EML6: variants seen among roughly 807,000 people sequenced by gnomAD.
The protein encoded by EML6 is EMAP like 6.
Under a neutral mutation model 240.1 loss-of-function variants are expected in EML6, and 154 were observed. The ratio of observed to expected loss-of-function variants is 0.64; its 90% confidence interval spans 0.56 to 0.73. The LOEUF (loss-of-function observed/expected upper bound fraction) is 0.73. Among genes scored for constraint, EML6 ranks in the 30% least tolerant of loss-of-function variants. The probability of loss-of-function intolerance (pLI) is 0.00; values close to 1 mark genes in which losing one functional copy is unlikely to be tolerated. For synonymous variants in EML6, 1,148 were observed against 899.0 expected, an observed-to-expected ratio of 1.28 and a Z score of -4.95; for missense variants, 2,964 against 2,474.6, an observed-to-expected ratio of 1.20 and a Z score of -4.20.
At chr2:54,887,457 A>T (rs920017330) in intron 17 of EML6, among the ~76,000 whole-genome samples, 3 of 152,054 alleles carry the variant, frequency 2.0e-5, no homozygotes, top group African/African-American at 7.2e-5. Flanking sequence ...TTTTTTTCCC[A>T]GTTTGTCATT....
intron 16 of EML6, among the ~76,000 whole-genome samples, chr2:54,876,145 A>G (rs1671495723): frequency 6.6e-6 from 1 of 152,234 alleles, no homozygotes; most frequent in Admixed American, 6.5e-5. Context: ...ACATTACCTA[A>G]GAGACTAAAA....
chr2:54,916,324 C>A (rs1673906850), intron 25 of EML6, among the ~76,000 whole-genome samples: 1 of 152,188 alleles, frequency 6.6e-6, no homozygotes, highest in Non-Finnish European at 1.5e-5. Context: ...CAAGGGTATG[C>A]TACTGGCATC....
chr2:54,725,943 AGACT>A lies in EML6; in HGVS notation c.197+693_197+696del, dbSNP rs1471917188. Among the ~76,000 whole-genome samples the A allele has an allele frequency of 3.9e-5, 6 of 151,962 alleles. No homozygotes were observed. Among genetic ancestry groups the A allele is most frequent in the Non-Finnish European group, 8.8e-5 (6 of 67,942 alleles). ...CCAACATCTGCTAGCGGATGGCCCA[AGACT>A]GACTGACAGGAGAGCTCATTTGGAT... On this transcript the variant is annotated intron_variant, in intron 2 of 41. Transcript: ENST00000356458. This position sits in a 1 kb window ranked among gnomAD's most constrained non-coding sequence, Gnocchi z 4.3.
rs977998463 is a variant in EML6, at chr2:54,724,054, C to T, written c.-514+277C>T. On this transcript the variant is annotated intron_variant, in intron 1 of 41. Coordinates refer to ENST00000356458, the MANE Select transcript of EML6 (RefSeq NM_001039753.4). The surrounding 1 kb of genome is among the most constrained non-coding windows in gnomAD (Gnocchi z 5.2). The stretch of plus-strand genomic sequence containing the variant: ...GCAGAGGTTTCTGGGGAGAAGTACA[C>T]GATTTTTGCCACTTGTTATTTGATT... Among the ~76,000 whole-genome samples, 2 of 152,210 alleles carry T rather than the reference C, an allele frequency of 1.3e-5. No homozygotes were observed. The highest frequency in any genetic ancestry group is 2.4e-5 in the African/African-American group (1 of 41,458).
At chr2:54,853,981 A>C in intron 11 of EML6, 126 bp downstream of exon 11, 1 of 515,644 alleles carries the variant, frequency 1.9e-6, no homozygotes, top group Non-Finnish European at 3.2e-6. Context: ...ATTCTTATTT[A>C]CTTTTCAACA....
chr2:54,806,305 T>C (rs1446141948), intron 2 of EML6, among the ~76,000 whole-genome samples: 1 of 152,070 alleles, frequency 6.6e-6, no homozygotes, highest in African/African-American at 2.4e-5. Flanking sequence ...GTACATGAGT[T>C]GCTCGGACTT....
chr2:54,731,239 T>C (rs1683152930), intron 2 of EML6, among the ~76,000 whole-genome samples: 1 of 152,242 alleles, frequency 6.6e-6, no homozygotes, highest in Non-Finnish European at 1.5e-5. Flanking sequence ...AGGTCATTAA[T>C]GCCTCATGGG....
intron 33 of EML6, 136 bp downstream of exon 33, chr2:54,958,134 C>T: frequency 1.4e-6 from 1 of 698,036 alleles, no homozygotes; most frequent in Non-Finnish European, 2.4e-6. Context: ...CCTGTACTGG[C>T]TTATCTGCAA....
intron 21 of EML6, among the ~76,000 whole-genome samples, chr2:54,896,443 A>G (rs1243195784): frequency 6.6e-6 from 1 of 152,172 alleles, no homozygotes; most frequent in African/African-American, 2.4e-5. Flanking sequence ...AATAAATGTA[A>G]CAGAACCTTT....
intron 36 of EML6, among the ~76,000 whole-genome samples, chr2:54,963,432 T>C (rs1558732204): frequency 6.6e-6 from 1 of 152,202 alleles, no homozygotes; most frequent in Non-Finnish European, 1.5e-5. Flanking sequence ...ACAATAACCT[T>C]GCAAAACCCT....
chr2:54,874,131 A>G (rs963010548), intron 16 of EML6, among the ~76,000 whole-genome samples: 12 of 152,358 alleles, frequency 7.9e-5, no homozygotes, highest in Non-Finnish European at 1.5e-4. Flanking sequence ...TACCTTTGGA[A>G]GAAGAGATTA....
chr2:54,890,630 AAG>A (rs1367804458), intron 17 of EML6, among the ~76,000 whole-genome samples: 1 of 152,176 alleles, frequency 6.6e-6, no homozygotes, highest in Non-Finnish European at 1.5e-5. Context: ...TTTCCACAGC[AAG>A]AGTGATTCAT....
At position 54,972,015 on chromosome 2, in the gene EML6, A is replaced by ATG. The variant is rs1438652069; in HGVS notation, c.*1922_*1923dup. On this transcript the variant is annotated 3_prime_UTR_variant, in exon 42 of 42. Transcript: ENST00000356458. ...TTTATGTGTCAAATAAAATTTGATTATGTAAACACATTTGTTGACTTTTGT... is the reference window on the plus strand; with the variant it reads ...TTTATGTGTCAAATAAAATTTGATTATGTGTAAACACATTTGTTGACTTTTGT... 6 of 151,708 alleles carry ATG rather than the reference A, an allele frequency of 4.0e-5. No individual in the cohort carries two copies. Among genetic ancestry groups the ATG allele is most frequent in the African/African-American group, 1.4e-4 (6 of 41,448 alleles). The allele number at this position is 151,708 out of a possible 1,614,324, so 9.4% of individuals were successfully genotyped here. A position where few individuals can be genotyped will look rare whatever the true frequency, so the allele number is the denominator to read the frequency against.
intron 30 of EML6, among the ~76,000 whole-genome samples, chr2:54,951,936 T>G (rs1237714229): frequency 6.6e-6 from 1 of 152,198 alleles, no homozygotes; most frequent in African/African-American, 2.4e-5. Context: ...ATCTTTAGGT[T>G]CTTGAGCATT....
intron 28 of EML6, among the ~76,000 whole-genome samples, chr2:54,939,831 A>G (rs1675337702): frequency 6.6e-6 from 1 of 152,172 alleles, no homozygotes; most frequent in African/African-American, 2.4e-5. Context: ...CTGTGAAGAG[A>G]GGGGAAAGGA....
chr2:54,792,781 A>C (rs1443616893), intron 2 of EML6, among the ~76,000 whole-genome samples: 1 of 152,238 alleles, frequency 6.6e-6, no homozygotes, highest in Non-Finnish European at 1.5e-5. Flanking sequence ...CGCTATAGAA[A>C]TACGACATTG....
At chr2:54,921,105 G>C (rs1674226980) in intron 26 of EML6, among the ~76,000 whole-genome samples, 1 of 151,900 alleles carries the variant, frequency 6.6e-6, no homozygotes, top group Non-Finnish European at 1.5e-5. Flanking sequence ...GGAAGTCCTA[G>C]CCAGAGCAAT....
chr2:54,933,936 C>G (rs33980451), intron 28 of EML6, among the ~76,000 whole-genome samples: 24,248 of 152,022 alleles, frequency 0.16, 2,200 homozygotes, highest in South Asian at 0.37. Flanking sequence ...ATTAACCACC[C>G]TAACTTGCCA....
rs1324533077 is a variant in EML6 at position 54,741,907 on chromosome 2, C to T, written c.197+16649C>T. Among the ~76,000 whole-genome samples the T allele has an allele frequency of 2.0e-5, 3 of 152,284 alleles. 1 individual carries two copies. The Middle Eastern group carries it at 0.01, about 518-fold the overall frequency. On this transcript the variant is annotated intron_variant, in intron 2 of 41. Transcript: ENST00000356458. ...GATGGAGTTAGAAAACCAATGGATG[C>T]TATAACTAGTGATGAAGTTTTGTTG...
Sources: allele counts gnomAD v4.1 joint callset (sites outside exome capture counted in the v4.1 genomes callset), GRCh38; gene constraint gnomAD v4.1.1; non-coding constraint Gnocchi (gnomAD v3.1); transcripts MANE v1.5; gene names NCBI Gene and HGNC (gene_info 2026-07-23, HGNC 2026-07-21).